SLC44A5: variants seen among roughly 807,000 people sequenced by gnomAD.
SLC44A5 encodes the protein solute carrier family 44 member 5, also known as choline transporter-like protein 5.
A neutral mutation model predicts 101.8 loss-of-function variants in SLC44A5; 57 were observed. The ratio of observed to expected loss-of-function variants is 0.56; its 90% CI spans 0.45 to 0.70. The LOEUF is 0.70. SLC44A5 is among the 30% of genes least tolerant of loss of function. The probability of loss-of-function intolerance (pLI) is 0.00; values close to 1 mark genes in which losing one functional copy is unlikely to be tolerated. For synonymous variants in SLC44A5, 281 were observed against 290.9 expected (o/e 0.97, Z 0.35); for missense variants, 737 against 853.1 (o/e 0.86, Z 1.70).
chr1:75,215,629 G>T, intron 19 of SLC44A5, 125 bp downstream of exon 19: 1 of 589,528 alleles, frequency 1.7e-6, no homozygotes, highest in Non-Finnish European at 3.1e-6. Flanking sequence ...GGATTCACAG[G>T]CCTTATATCA....
At position 75,222,355 on chromosome 1, in the gene SLC44A5, C is replaced by T. The variant is rs1315674277; in HGVS notation, c.1085+6G>A. 2 of 1,604,584 alleles carry T rather than the reference C, an allele frequency of 1.2e-6. No individual in the cohort carries two copies. On this transcript the variant is annotated splice_donor_region_variant and intron_variant, in intron 14 of 23. Coordinates refer to ENST00000370859, the MANE Select transcript of SLC44A5 (RefSeq NM_001130058.2). ...TTTAGCTGAGTTTCTACATTAAGGG[C>T]CTTACTTGCTTCCTTCCTTCAGCAG... is the stretch of plus-strand genomic sequence containing the variant.
chr1:75,558,971 C>G (rs1672367892), intron 1 of SLC44A5, among the ~76,000 whole-genome samples: 1 of 152,062 alleles, frequency 6.6e-6, no homozygotes, highest in African/African-American at 2.4e-5. Context: ...TGCCACATTT[C>G]AGGCACTGTG....
At chr1:75,268,481 G>A (rs1479354790) in intron 6 of SLC44A5, among the ~76,000 whole-genome samples, 1 of 151,936 alleles carries the variant, frequency 6.6e-6, no homozygotes, top group African/African-American at 2.4e-5. Context: ...CTTAAACGTA[G>A]GCTTCATGAG....
At chr1:75,428,604 G>A (rs1255625767) in intron 2 of SLC44A5, among the ~76,000 whole-genome samples, 1 of 152,056 alleles carries the variant, frequency 6.6e-6, no homozygotes, top group African/African-American at 2.4e-5. Context: ...TCACCAAGAG[G>A]GCACTATTTA....
chr1:75,437,541 T>C (rs945895048), intron 2 of SLC44A5, among the ~76,000 whole-genome samples: 2 of 152,128 alleles, frequency 1.3e-5, no homozygotes, highest in African/African-American at 4.8e-5. Flanking sequence ...CTGTATTTAG[T>C]CTTTAACAGT....
At chr1:75,655,457 C>T in the SLC44A5 span, among the ~76,000 whole-genome samples, 3 of 152,134 alleles carry the variant, frequency 2.0e-5, no homozygotes, top group African/African-American at 7.2e-5. Flanking sequence ...CCTAAAGTGG[C>T]CTTGGTCCCC....
chr1:75,559,395 A>C (rs1267973196), intron 1 of SLC44A5, among the ~76,000 whole-genome samples: 1 of 152,100 alleles, frequency 6.6e-6, no homozygotes, highest in Non-Finnish European at 1.5e-5. Flanking sequence ...TGACTGAGGG[A>C]ATTGGCTGGG....
intron 2 of SLC44A5, among the ~76,000 whole-genome samples, chr1:75,448,284 T>G (rs572910972): frequency 1.9e-4 from 29 of 152,330 alleles, no homozygotes; most frequent in Middle Eastern, 3.4e-3. Flanking sequence ...CAAGTCTGCA[T>G]AGATGGAAAC....
At chr1:75,240,232 A>C (rs1206306192) in intron 9 of SLC44A5, among the ~76,000 whole-genome samples, 1 of 152,092 alleles carries the variant, frequency 6.6e-6, no homozygotes, top group Admixed American at 6.6e-5. Flanking sequence ...AAATCACACA[A>C]GACATGCAAT....
At chr1:75,329,777 T>C (rs1281777882) in intron 4 of SLC44A5, among the ~76,000 whole-genome samples, 3 of 152,208 alleles carry the variant, frequency 2.0e-5, no homozygotes, top group African/African-American at 7.2e-5. Context: ...ATTTAGGCTC[T>C]AGTTTTTGGT....
At chr1:75,678,362 G>A in the SLC44A5 span, among the ~76,000 whole-genome samples, 1 of 152,086 alleles carries the variant, frequency 6.6e-6, no homozygotes, top group Non-Finnish European at 1.5e-5. Flanking sequence ...AAATGTCCCT[G>A]TCTGACAGCT....
At chr1:75,651,492 C>T in the SLC44A5 span, among the ~76,000 whole-genome samples, 46 of 151,922 alleles carry the variant, frequency 3.0e-4, no homozygotes, top group African/African-American at 1.1e-3. Context: ...GTCAGAAGAT[C>T]GAGACCATCC....
chr1:75,520,738 GA>G (rs1670072907), intron 2 of SLC44A5, among the ~76,000 whole-genome samples: 1 of 152,178 alleles, frequency 6.6e-6, no homozygotes, highest in African/African-American at 2.4e-5. Flanking sequence ...ATAGCATCAT[GA>G]TAGCTAAAGA....
chr1:75,681,552 C>T, the SLC44A5 span, among the ~76,000 whole-genome samples: 4 of 151,620 alleles, frequency 2.6e-5, no homozygotes, highest in South Asian at 8.4e-4. Flanking sequence ...TGACAAAATT[C>T]AACAACTCTT....
At chr1:75,580,371 G>C (rs1673616476) in intron 1 of SLC44A5, among the ~76,000 whole-genome samples, 1 of 152,176 alleles carries the variant, frequency 6.6e-6, no homozygotes, top group South Asian at 2.1e-4. Context: ...TGTGTGGTTT[G>C]AGAGTCAGGT....
At chr1:75,707,965 TGTATG>T in the SLC44A5 span, among the ~76,000 whole-genome samples, 13 of 152,134 alleles carry the variant, frequency 8.5e-5, no homozygotes, top group Admixed American at 2.0e-4. Flanking sequence ...TTAGGTAACT[TGTATG>T]GTATTTGACA....
At chr1:75,479,301 A>G (rs757018199) in intron 2 of SLC44A5, among the ~76,000 whole-genome samples, 7 of 152,260 alleles carry the variant, frequency 4.6e-5, no homozygotes, top group Admixed American at 2.0e-4. Context: ...AGAAAGCAGG[A>G]AAGATCTAAA....
At chr1:75,462,182 A>G (rs1666539808) in intron 2 of SLC44A5, among the ~76,000 whole-genome samples, 5 of 152,212 alleles carry the variant, frequency 3.3e-5, no homozygotes, top group Admixed American at 6.5e-5. Flanking sequence ...GTTGACTCAG[A>G]ACAAAGATAT....
intron 6 of SLC44A5, among the ~76,000 whole-genome samples, chr1:75,254,117 C>T (rs1195681314): frequency 5.9e-5 from 9 of 151,882 alleles, no homozygotes; most frequent in Non-Finnish European, 1.0e-4. Context: ...CTGCTCACTG[C>T]GACCTCTGCC....
Sources: allele counts gnomAD v4.1 joint callset (sites outside exome capture counted in the v4.1 genomes callset), GRCh38; gene constraint gnomAD v4.1.1; transcripts MANE v1.5; gene names NCBI Gene and HGNC (gene_info 2026-07-23, HGNC 2026-07-21).